Variants in WDPCP observed in about 807,000 individuals in gnomAD.
WDPCP encodes WD repeat containing planar cell polarity effector, also known as WD repeat-containing and planar cell polarity effector protein fritz homolog.
WDPCP carries 71 observed loss-of-function variants against 93.1 expected under a neutral mutation model. That is an observed-to-expected ratio of 0.76 (90% confidence interval 0.63 to 0.93). The LOEUF (loss-of-function observed/expected upper bound fraction) is 0.93. Ranked by LOEUF, WDPCP falls within the 40% of genes least tolerant of loss-of-function variation. The pLI is 0.00. For synonymous variants in WDPCP, 315 were observed against 315.0 expected (o/e 1.00, Z 0.00); for missense variants, 844 against 887.4 (o/e 0.95, Z 0.62).
chr2:63,780,910 C>T (rs1473903842), intron 2 of WDPCP, among the ~76,000 whole-genome samples: 1 of 152,046 alleles, frequency 6.6e-6, no homozygotes, highest in Non-Finnish European at 1.5e-5. Flanking sequence ...AAACAAAAAC[C>T]AAACAACATG....
intron 12 of WDPCP, among the ~76,000 whole-genome samples, chr2:63,315,907 C>T (rs910062007): frequency 1.3e-5 from 2 of 151,416 alleles, no homozygotes; most frequent in Non-Finnish European, 2.9e-5. Flanking sequence ...TGACTACAAG[C>T]ATGTGCCACG....
intron 14 of WDPCP, among the ~76,000 whole-genome samples, chr2:63,179,062 G>A (rs74840970): frequency 0.024 from 3,652 of 152,026 alleles, 62 homozygotes; most frequent in Middle Eastern, 0.048. Context: ...TTACCTAGGC[G>A]TGGTAGCTCA....
intron 2 of WDPCP, among the ~76,000 whole-genome samples, chr2:63,670,754 G>A (rs1312137990): frequency 6.6e-6 from 1 of 152,102 alleles, no homozygotes; most frequent in African/African-American, 2.4e-5. Context: ...GTCAGAAATG[G>A]CATCTGAGGT....
intron 2 of WDPCP, among the ~76,000 whole-genome samples, chr2:63,751,356 AC>A (rs1268765199): frequency 6.6e-6 from 1 of 151,986 alleles, no homozygotes; most frequent in Non-Finnish European, 1.5e-5. Flanking sequence ...TTTTAAAGAC[AC>A]ATTTATTCAG....
chr2:63,523,064 T>C (rs1210545024), intron 1 of WDPCP, among the ~76,000 whole-genome samples: 1 of 152,078 alleles, frequency 6.6e-6, no homozygotes, highest in Non-Finnish European at 1.5e-5. Context: ...CTCAACAAAA[T>C]ACTAGCACAC....
chr2:63,159,537 G>T (rs1392382861), intron 15 of WDPCP, among the ~76,000 whole-genome samples: 4 of 151,990 alleles, frequency 2.6e-5, no homozygotes, highest in African/African-American at 9.7e-5. Context: ...AGTAATTTTT[G>T]GTATCCTGGA....
At chr2:63,408,011 T>G (rs1489040397) in intron 9 of WDPCP, among the ~76,000 whole-genome samples, 1 of 152,158 alleles carries the variant, frequency 6.6e-6, no homozygotes, top group African/African-American at 2.4e-5. Flanking sequence ...CCTCCTTGTT[T>G]GCAAAGTTTG....
intron 1 of WDPCP, among the ~76,000 whole-genome samples, chr2:63,517,258 T>C (rs1453840156): frequency 6.6e-6 from 1 of 151,836 alleles, no homozygotes; most frequent in African/African-American, 2.4e-5. Context: ...ATGTATAATA[T>C]TTAATAAAAA....
chr2:63,562,134 T>C (rs1348570668), intron 1 of WDPCP, among the ~76,000 whole-genome samples: 1 of 152,170 alleles, frequency 6.6e-6, no homozygotes, highest in Non-Finnish European at 1.5e-5. Context: ...TGCCCATCAA[T>C]GATAGACTGG....
intron 2 of WDPCP, among the ~76,000 whole-genome samples, chr2:63,774,884 A>C (rs961755578): frequency 1.3e-5 from 2 of 152,108 alleles, no homozygotes; most frequent in Non-Finnish European, 2.9e-5. Context: ...TATGTTCTTC[A>C]CACTGCTAAC....
intron 6 of WDPCP, among the ~76,000 whole-genome samples, chr2:63,473,871 T>C (rs1184270076): frequency 6.6e-6 from 1 of 152,192 alleles, no homozygotes; most frequent in Non-Finnish European, 1.5e-5. Context: ...TTTCTATAAT[T>C]ACGTTTTGCT....
chr2:63,671,701 C>G (rs1250315263), intron 2 of WDPCP, among the ~76,000 whole-genome samples: 2 of 152,112 alleles, frequency 1.3e-5, no homozygotes, highest in African/African-American at 4.8e-5. Flanking sequence ...GTGCACGCCA[C>G]CACACCCCGC....
At chr2:63,724,977 T>C (rs954679702) in intron 2 of WDPCP, among the ~76,000 whole-genome samples, 2 of 152,236 alleles carry the variant, frequency 1.3e-5, no homozygotes, top group African/African-American at 4.8e-5. Flanking sequence ...TTTTAAAAAA[T>C]AATAACCTGT....
chr2:63,435,857 T>G (rs1292716487), intron 8 of WDPCP, among the ~76,000 whole-genome samples: 13 of 151,924 alleles, frequency 8.6e-5, no homozygotes, highest in Admixed American at 5.2e-4. Flanking sequence ...TGACATGGAG[T>G]GCCAATGTTC....
At chr2:63,358,541 T>TGCA (rs1690192871) in intron 12 of WDPCP, among the ~76,000 whole-genome samples, 1 of 152,114 alleles carries the variant, frequency 6.6e-6, no homozygotes, top group South Asian at 2.1e-4. Flanking sequence ...CACAGCTCAC[T>TGCA]GCAGCCTCAT....
chr2:63,284,131 T>C (rs1469892508), intron 13 of WDPCP, among the ~76,000 whole-genome samples: 2 of 152,226 alleles, frequency 1.3e-5, no homozygotes, highest in Non-Finnish European at 2.9e-5. Flanking sequence ...CAATGTATTA[T>C]GGCATGTATT....
chr2:63,758,985 T>C (rs1670014007), intron 2 of WDPCP, among the ~76,000 whole-genome samples: 2 of 151,796 alleles, frequency 1.3e-5, no homozygotes, highest in South Asian at 2.1e-4. Flanking sequence ...TTCACCATGT[T>C]GGCCAGGCTG....
At chr2:63,600,380 G>C (rs1194872676) in intron 3 of WDPCP, among the ~76,000 whole-genome samples, 1 of 152,148 alleles carries the variant, frequency 6.6e-6, no homozygotes, top group Non-Finnish European at 1.5e-5. Flanking sequence ...GAGTCATACA[G>C]CTCATAAATT....
At chr2:63,599,815 G>C (rs935693638) in intron 3 of WDPCP, 1 of 152,128 alleles carries the variant, frequency 6.6e-6, no homozygotes, top group African/African-American at 2.4e-5. Flanking sequence ...CTACTTAGGA[G>C]CTAAAGTCTG....
Sources: allele counts gnomAD v4.1 joint callset (sites outside exome capture counted in the v4.1 genomes callset), GRCh38; gene constraint gnomAD v4.1.1; transcripts MANE v1.5; gene names NCBI Gene and HGNC (gene_info 2026-07-23, HGNC 2026-07-21).